VPS54: variants seen among roughly 807,000 people sequenced by gnomAD.
VPS54 encodes vacuolar protein sorting-associated protein 54.
In VPS54, 45 loss-of-function variants were observed where a neutral mutation model predicts 121.5. The ratio of observed to expected loss-of-function variants is 0.37; its 90% CI spans 0.29 to 0.47. The LOEUF (loss-of-function observed/expected upper bound fraction) is 0.47. VPS54 is among the 20% of genes least tolerant of loss of function. VPS54 has a pLI of 0.99. For missense variants in VPS54, 1,090 were observed against 1,131.4 expected (o/e 0.96, Z 0.52); for synonymous variants, 371 against 385.8 (o/e 0.96, Z 0.45).
chr2:63,927,695 C>T (rs906298257), intron 12 of VPS54, among the ~76,000 whole-genome samples: 2 of 152,022 alleles, frequency 1.3e-5, no homozygotes, highest in Non-Finnish European at 2.9e-5. Flanking sequence ...TTCAGAAGGT[C>T]GGTAATAACA....
chr2:63,949,112 C>A lies in VPS54; in HGVS notation c.1062G>T (p.Met354Ile). Residue 354 changes from methionine (M) to isoleucine (I), a missense_variant, in exon 8 of 23, where the codon ATG (methionine) becomes ATT (isoleucine). Met to Ile is a conservative substitution (Grantham distance 10). Around this residue, in one of 2 missense-constraint regions of VPS54, gnomAD observed 801 missense variants for 757.0 expected, o/e 1.06. Coordinates refer to ENST00000272322, the MANE Select transcript of VPS54 (RefSeq NM_016516.3). The part of the protein sequence containing the change: ...CELEKLIDKM[M>I]IAEFSTYSHS... ...GAGAATAAGTAGAAAATTCTGCAAT[C>A]ATCATTTTATCTATCAGTTTTTCTA... 1 of 1,611,414 alleles carries A rather than the reference C, an allele frequency of 6.2e-7. No homozygotes were observed. The highest frequency in any genetic ancestry group is 1.1e-5 in the South Asian group (1 of 90,692).
chr2:63,977,120 T>A (rs1045646695), intron 3 of VPS54, among the ~76,000 whole-genome samples: 4 of 152,160 alleles, frequency 2.6e-5, no homozygotes, highest in African/African-American at 9.7e-5. Flanking sequence ...TGAGCCACCA[T>A]GCCCAGCCTT....
intron 1 of VPS54, among the ~76,000 whole-genome samples, chr2:63,993,490 A>G (rs540073238): frequency 6.6e-6 from 1 of 152,134 alleles, no homozygotes; most frequent in Non-Finnish European, 1.5e-5. Context: ...ATAATGATTT[A>G]GCGGAGTGGT....
chr2:63,916,288 A>G (rs967234722), intron 16 of VPS54, among the ~76,000 whole-genome samples: 2 of 152,180 alleles, frequency 1.3e-5, no homozygotes, highest in African/African-American at 4.8e-5. Context: ...CAATTTAATA[A>G]AAGACATAGT....
chr2:63,930,977 A>G (rs1324919029), intron 12 of VPS54, among the ~76,000 whole-genome samples: 1 of 152,252 alleles, frequency 6.6e-6, no homozygotes, highest in Non-Finnish European at 1.5e-5. Context: ...GGACCTCTTC[A>G]AGGAGAACTA....
rs754010884 is a variant in VPS54 at position 63,981,666 on chromosome 2, A to G, written c.358T>C (p.Tyr120His). ...PQISKEHFTV[Y>H]QQEISQREKI... ...ATTACCTGAGAGATTTCCTGTTGAT[A>G]TACTGTAAAATGTTCCTTGCTGATC... Residue 120 changes from tyrosine to histidine, a missense_variant, in exon 3 of 23, where the codon TAT becomes CAT. Transcript: ENST00000272322. 4 of 1,599,084 alleles carry G rather than the reference A, an allele frequency of 2.5e-6. No individual in the cohort carries two copies. Among genetic ancestry groups the G allele is most frequent in the South Asian group, 1.1e-5 (1 of 88,438 alleles).
intron 1 of VPS54, among the ~76,000 whole-genome samples, chr2:63,984,854 C>T (rs1676968794): frequency 6.6e-6 from 1 of 152,160 alleles, no homozygotes; most frequent in African/African-American, 2.4e-5. Context: ...CACTAAAGAA[C>T]ATGCATTGTT....
chr2:63,941,687 A>G (rs965057830), intron 11 of VPS54, among the ~76,000 whole-genome samples: 1 of 152,208 alleles, frequency 6.6e-6, no homozygotes, highest in East Asian at 1.9e-4. Flanking sequence ...AATTAAATGT[A>G]ACACATGATG....
intron 1 of VPS54, among the ~76,000 whole-genome samples, chr2:64,011,298 T>C (rs1678417178): frequency 6.6e-6 from 1 of 152,192 alleles, no homozygotes; most frequent in South Asian, 2.1e-4. Context: ...CCGGGCACGG[T>C]GGCTCATGCC....
At chr2:63,898,321 T>C (rs1473354246) in intron 21 of VPS54, among the ~76,000 whole-genome samples, 3 of 152,058 alleles carry the variant, frequency 2.0e-5, no homozygotes, top group African/African-American at 7.2e-5. Context: ...GGATCTTACA[T>C]GTGGAATGGA....
chr2:63,921,178 A>C, intron 13 of VPS54, 28 bp downstream of exon 13: 1 of 1,582,250 alleles, frequency 6.3e-7, no homozygotes, highest in Non-Finnish European at 8.6e-7. Context: ...TACGTATAAA[A>C]TATATAAAGC....
chr2:63,965,706 T>C (rs936219614), intron 6 of VPS54, 129 bp downstream of exon 6: 57 of 1,329,538 alleles, frequency 4.3e-5, no homozygotes, highest in Non-Finnish European at 1.0e-5. Context: ...TTGGGAGGCT[T>C]ATAGTTATCA....
chr2:63,980,008 A>G (rs995770837), intron 3 of VPS54, among the ~76,000 whole-genome samples: 6 of 152,188 alleles, frequency 3.9e-5, no homozygotes, highest in African/African-American at 1.4e-4. Flanking sequence ...GTTCAAGTCT[A>G]TTATAATCTT....
rs1357394695 is a variant in VPS54, at chr2:63,893,003, TGAC to T, written c.*424_*426del. Reference sequence around the variant, plus strand: ...CATAGAGAAAACTTTCTACAGAAGTTGACTAAGATTTTAAATTGTACCATCATT... The same window carrying T: ...CATAGAGAAAACTTTCTACAGAAGTTTAAGATTTTAAATTGTACCATCATT... On this transcript the variant is annotated 3_prime_UTR_variant, in exon 23 of 23. Transcript: ENST00000272322. 6.5e-6 allele frequency: 1 copy of T among 154,972 alleles called. No homozygotes were observed. The highest frequency in any genetic ancestry group is 1.4e-5 in the Non-Finnish European group (1 of 69,712). The allele number at this position is 154,972 out of a possible 1,614,324, so 9.6% of individuals were successfully genotyped here. A position where few individuals can be genotyped will look rare whatever the true frequency, so the allele number is the denominator to read the frequency against.
intron 3 of VPS54, among the ~76,000 whole-genome samples, chr2:63,976,365 CA>C (rs1221827869): frequency 1.4e-5 from 2 of 144,248 alleles, no homozygotes; most frequent in African/African-American, 2.6e-5. Context: ...AAAAAAAAAA[CA>C]AAAAACAAAA....
intron 3 of VPS54, among the ~76,000 whole-genome samples, chr2:63,976,128 A>C (rs1676515916): frequency 6.6e-6 from 1 of 152,040 alleles, no homozygotes; most frequent in Non-Finnish European, 1.5e-5. Context: ...GACTGCTTGA[A>C]TTGAGGAGTT....
At chr2:63,986,444 C>T (rs757026061) in intron 1 of VPS54, among the ~76,000 whole-genome samples, 1 of 152,200 alleles carries the variant, frequency 6.6e-6, no homozygotes, top group Non-Finnish European at 1.5e-5. Flanking sequence ...AAGATCTCAT[C>T]CTTTTCTATG....
intron 3 of VPS54, among the ~76,000 whole-genome samples, chr2:63,978,387 G>A (rs372037795): frequency 6.6e-6 from 1 of 152,168 alleles, no homozygotes; most frequent in African/African-American, 2.4e-5. Context: ...CCCACTCTCA[G>A]ATTTCAGTGC....
intron 1 of VPS54, among the ~76,000 whole-genome samples, chr2:64,018,643 G>A (rs112734744): frequency 1.3e-5 from 2 of 151,952 alleles, no homozygotes; most frequent in Non-Finnish European, 2.9e-5. Flanking sequence ...TTCCAGAGCT[G>A]GGATCCCGGA....
Sources: gnomAD v4.1 joint callset for allele counts (sites outside exome capture counted in the v4.1 genomes callset) on GRCh38, gnomAD v4.1.1 for gene constraint, gnomAD v4.1.1 regional missense constraint, MANE v1.5 for transcripts, NCBI Gene and HGNC (gene_info 2026-07-23, HGNC 2026-07-21) for gene names.